The following EPHB1 variants were observed in gnomAD, a reference collection of about 807,000 sequenced individuals.
The protein encoded by EPHB1 is EPH receptor B1.
EPHB1 carries 30 observed loss-of-function variants against 94.4 expected under a neutral mutation model. The observed-to-expected ratio is 0.32, with a 90% CI of 0.24 to 0.43. The LOEUF (loss-of-function observed/expected upper bound fraction) is 0.43, where lower values mean the gene tolerates loss of function less well. EPHB1 is among the 20% of genes least tolerant of loss of function. The probability of loss-of-function intolerance (pLI) is 1.00; values close to 1 mark genes in which losing one functional copy is unlikely to be tolerated. For synonymous variants in EPHB1, 522 were observed against 489.1 expected (o/e 1.07, Z -0.89); for missense variants, 1,055 against 1,308.3 (o/e 0.81, Z 2.99).
At chr3:134,986,248 T>A (rs961737297) in intron 3 of EPHB1, among the ~76,000 whole-genome samples, 1 of 152,164 alleles carries the variant, frequency 6.6e-6, no homozygotes, top group African/African-American at 2.4e-5. Context: ...GAAACCAAAT[T>A]TTTCACTTGA....
intron 3 of EPHB1, among the ~76,000 whole-genome samples, chr3:135,011,090 A>G (rs1304763191): frequency 2.0e-5 from 3 of 152,080 alleles, no homozygotes; most frequent in East Asian, 3.9e-4. Flanking sequence ...CTTCTTGCCT[A>G]TTTGTGTACA....
intron 4 of EPHB1, among the ~76,000 whole-genome samples, chr3:135,128,408 T>C (rs1310602035): frequency 6.6e-6 from 1 of 152,228 alleles, no homozygotes; most frequent in Non-Finnish European, 1.5e-5. Context: ...AAATCTACCC[T>C]GGTCAGACTT....
chr3:135,004,235 T>C (rs1320633222), intron 3 of EPHB1, among the ~76,000 whole-genome samples: 1 of 150,520 alleles, frequency 6.6e-6, no homozygotes, highest in Non-Finnish European at 1.5e-5. Flanking sequence ...TTTGGCTGGA[T>C]ATGAAATTCT....
At chr3:134,848,146 A>G (rs1402427940) in intron 1 of EPHB1, among the ~76,000 whole-genome samples, 4 of 152,172 alleles carry the variant, frequency 2.6e-5, no homozygotes, top group African/African-American at 9.7e-5. Flanking sequence ...ATTGAATGAA[A>G]TGAAATGAAA....
intron 10 of EPHB1, among the ~76,000 whole-genome samples, chr3:135,183,518 C>G (rs1323656343): frequency 2.0e-5 from 3 of 152,140 alleles, no homozygotes; most frequent in African/African-American, 7.2e-5. Flanking sequence ...GAAAAATATA[C>G]TCAATGCCTA....
rs537737166 is a variant in EPHB1, at chr3:134,898,884, G to A, written c.59-26932G>A. On this transcript the variant is annotated intron_variant, in intron 1 of 15. Transcript: ENST00000398015. Reference sequence around the variant, plus strand: ...GCAGTGCTGGGTGTGCTGTGGACCAGCCTGGAGCTCAGGCCTACCCTGGAA... The same window carrying A: ...GCAGTGCTGGGTGTGCTGTGGACCAACCTGGAGCTCAGGCCTACCCTGGAA... Among the ~76,000 whole-genome samples, 6 of 152,242 alleles carry A rather than the reference G, an allele frequency of 3.9e-5. No homozygotes were observed. In the East Asian group the frequency reaches 1.2e-3, roughly 29 times the overall value.
intron 13 of EPHB1, 94 bp from the exon 14 acceptor site, chr3:135,248,222 T>A: frequency 8.1e-7 from 1 of 1,233,864 alleles, no homozygotes; most frequent in Non-Finnish European, 1.1e-6. Flanking sequence ...TGAGACAGCC[T>A]GGATCAGGGA....
rs570434847 is a variant in EPHB1 at position 134,845,774 on chromosome 3, A to C, written c.58+50085A>C. The stretch of plus-strand genomic sequence containing the variant: ...TTTTCCTGCCACTATCATTTTACCC[A>C]CTGTTTTGCCCCAAAGCACTCACAT... On this transcript the variant is annotated intron_variant, in intron 1 of 15. Coordinates refer to ENST00000398015, the MANE Select transcript of EPHB1 (RefSeq NM_004441.5). Among the ~76,000 whole-genome samples the C allele has an allele frequency of 5.2e-4, 79 of 152,156 alleles. 1 individual carries two copies. The highest frequency in any genetic ancestry group is 1.7e-3 in the Admixed American group (26 of 15,276).
Position 135,154,224 on chromosome 3 carries a change from C to T in EPHB1, c.1370C>T (p.Pro457Leu), listed in dbSNP as rs762457030. 1.2e-6 allele frequency: 2 copies of T among 1,614,028 alleles called. No individual in the cohort carries two copies. The highest frequency in any genetic ancestry group is 1.1e-5 in the South Asian group (1 of 91,092). The change falls in exon 6 of 16, where the codon CCG becomes CTG. Residue 457 changes from proline (P) to leucine (L), a missense_variant. Coordinates refer to ENST00000398015, the MANE Select transcript of EPHB1 (RefSeq NM_004441.5). ...AGCATCACCTTGTCATGGCCACAGC[C>T]GGAGCAGCCCAATGGCATCATCCTG... The part of the protein sequence containing the change: ...MRSITLSWPQ[P>L]EQPNGIILDY...
At chr3:134,826,542 G>A (rs1460485830) in intron 1 of EPHB1, among the ~76,000 whole-genome samples, 2 of 152,132 alleles carry the variant, frequency 1.3e-5, no homozygotes, top group East Asian at 1.9e-4. Context: ...CACCATTCCT[G>A]TTTTTCAGGG....
chr3:135,249,377 C>T lies in EPHB1; in HGVS notation c.2732C>T (p.Thr911Met), dbSNP rs759415643. Residue 911 changes from threonine (T) to methionine (M), a missense_variant, in exon 15 of 16, where the codon ACG (threonine) becomes ATG (methionine). Physicochemically the swap from Thr to Met is moderately conservative, Grantham distance 81. Coordinates refer to ENST00000398015, the MANE Select transcript of EPHB1 (RefSeq NM_004441.5). ...PLLDRSIPDF[T>M]AFTTVDDWLS... ...CTCGACCGCTCCATCCCAGACTTCACGGCCTTTACCACCGTGGATGACTGG... is the reference window on the plus strand; with the variant it reads ...CTCGACCGCTCCATCCCAGACTTCATGGCCTTTACCACCGTGGATGACTGG... The T allele has an allele frequency of 3.3e-5, 53 of 1,613,874 alleles. No individual in the cohort carries two copies. Among genetic ancestry groups the T allele is most frequent in the African/African-American group, 1.1e-4 (8 of 75,068 alleles).
intron 4 of EPHB1, among the ~76,000 whole-genome samples, chr3:135,129,486 C>G (rs1465314194): frequency 1.3e-5 from 2 of 152,228 alleles, no homozygotes; most frequent in East Asian, 3.9e-4. Context: ...GGCATCCTGT[C>G]TCACGCTGGA....
chr3:134,853,626 G>A (rs2037040723), intron 1 of EPHB1, among the ~76,000 whole-genome samples: 1 of 152,220 alleles, frequency 6.6e-6, no homozygotes, highest in Admixed American at 6.5e-5. Flanking sequence ...TGGATATATG[G>A]ATCTGGAGCT....
intron 3 of EPHB1, among the ~76,000 whole-genome samples, chr3:135,013,748 T>G (rs2107750136): frequency 6.6e-6 from 1 of 152,346 alleles, no homozygotes; most frequent in Non-Finnish European, 1.5e-5. Flanking sequence ...GAGGCTAAAG[T>G]TACAACTGCA....
In EPHB1 at chr3:134,988,078, G is replaced by A. The variant is rs1422346876; in HGVS notation, c.805+36026G>A. ...TGAACAAGGTCAAATAGAAATCATG[G>A]AGCTTGGCCTTGTTTAATTCTCAGT... On this transcript the variant is annotated intron_variant, in intron 3 of 15. Transcript: ENST00000398015. Among the ~76,000 whole-genome samples the A allele has an allele frequency of 2.0e-5, 3 of 152,270 alleles. No individual in the cohort carries two copies. The East Asian group carries it at 5.8e-4, about 29-fold the overall frequency.
intron 1 of EPHB1, among the ~76,000 whole-genome samples, chr3:134,844,472 C>T (rs1560258922): frequency 2.0e-5 from 3 of 152,224 alleles, no homozygotes; most frequent in African/African-American, 7.2e-5. Flanking sequence ...GCCAAGTATA[C>T]ACTTGCCCCA....
chr3:135,025,321 A>G (rs1326219033), intron 3 of EPHB1, among the ~76,000 whole-genome samples: 1 of 120,496 alleles, frequency 8.3e-6, no homozygotes, highest in African/African-American at 2.9e-5. Context: ...CTAACTCGTC[A>G]TCTAGCATTA....
intron 3 of EPHB1, among the ~76,000 whole-genome samples, chr3:135,091,320 G>A (rs1938544115): frequency 6.6e-6 from 1 of 152,188 alleles, no homozygotes; most frequent in South Asian, 2.1e-4. Flanking sequence ...GACTTGTTCT[G>A]GTTCACCTGC....
intron 1 of EPHB1, among the ~76,000 whole-genome samples, chr3:134,797,167 C>T (rs2035846179): frequency 6.6e-6 from 1 of 152,176 alleles, no homozygotes; most frequent in African/African-American, 2.4e-5. Flanking sequence ...CCCTCAGTCT[C>T]CTGCTTCCCT....
Sources: allele counts gnomAD v4.1 joint callset (sites outside exome capture counted in the v4.1 genomes callset), GRCh38; gene constraint gnomAD v4.1.1; transcripts MANE v1.5; gene names NCBI Gene and HGNC (gene_info 2026-07-23, HGNC 2026-07-21).